The following RANBP2 variants were observed in gnomAD, a reference collection of about 807,000 sequenced individuals.
The protein encoded by RANBP2 is E3 SUMO-protein ligase RanBP2.
A neutral mutation model predicts 303.6 loss-of-function variants in RANBP2; 57 were observed. That is an observed-to-expected ratio of 0.19 (90% confidence interval 0.15 to 0.23). RANBP2 has a LOEUF of 0.23. RANBP2 is among the 10% of genes least tolerant of loss of function. The probability of loss-of-function intolerance (pLI) is 1.00; values close to 1 mark genes in which losing one functional copy is unlikely to be tolerated. For synonymous variants in RANBP2, 1,167 were observed against 1,301.5 expected, an observed-to-expected ratio of 0.90 and a Z score of 2.23; for missense variants, 3,138 against 3,780.8, an observed-to-expected ratio of 0.83 and a Z score of 4.46.
At chr2:109,016,605 C>T in the RANBP2 span, among the ~76,000 whole-genome samples, 1 of 152,196 alleles carries the variant, frequency 6.6e-6, no homozygotes, top group Non-Finnish European at 1.5e-5. Context: ...AGCTTCAAAC[C>T]TCATCCACGA....
At chr2:108,883,975 T>C in the RANBP2 span, 1 of 152,280 alleles carries the variant, frequency 6.6e-6, no homozygotes, top group Non-Finnish European at 1.5e-5. Flanking sequence ...TGGAGTGCAG[T>C]GGCATGGTCT....
chr2:109,588,502 A>T, the RANBP2 span, among the ~76,000 whole-genome samples: 2 of 151,668 alleles, frequency 1.3e-5, no homozygotes, highest in South Asian at 4.2e-4. Context: ...ATATATACAA[A>T]TTTTTTTTTA....
chr2:109,519,911 G>A, the RANBP2 span, among the ~76,000 whole-genome samples: 1 of 152,232 alleles, frequency 6.6e-6, no homozygotes, highest in South Asian at 2.1e-4. Flanking sequence ...GATAGCTGTG[G>A]CTGCAAAAGG....
At chr2:109,736,521 G>C in the RANBP2 span, among the ~76,000 whole-genome samples, 12 of 152,240 alleles carry the variant, frequency 7.9e-5, no homozygotes, top group South Asian at 2.1e-4. Flanking sequence ...TAGAACCTGG[G>C]ACTTTTACAA....
the RANBP2 span, among the ~76,000 whole-genome samples, chr2:109,371,363 C>T: frequency 6.6e-6 from 1 of 152,220 alleles, no homozygotes; most frequent in Non-Finnish European, 1.5e-5. Context: ...GCACTCCAGC[C>T]TGGGTGGCAG....
the RANBP2 span, among the ~76,000 whole-genome samples, chr2:109,540,557 G>A: frequency 2.2e-4 from 33 of 151,964 alleles, no homozygotes; most frequent in Non-Finnish European, 4.0e-4. Context: ...AGGCACAATG[G>A]CTCATGCCTG....
chr2:109,266,552 CTGGTGACACCA>C, the RANBP2 span, among the ~76,000 whole-genome samples: 1 of 152,156 alleles, frequency 6.6e-6, no homozygotes, highest in Non-Finnish European at 1.5e-5. Flanking sequence ...CCTTAAACCA[CTGGTGACACCA>C]GGGACGTTTT....
chr2:109,176,547 C>T, the RANBP2 span, among the ~76,000 whole-genome samples: 3 of 152,220 alleles, frequency 2.0e-5, no homozygotes, highest in Admixed American at 6.5e-5. Context: ...GCCTTGGCAA[C>T]ATAATGAGAC....
At chr2:109,482,456 C>T in the RANBP2 span, among the ~76,000 whole-genome samples, 3 of 152,192 alleles carry the variant, frequency 2.0e-5, no homozygotes, top group Non-Finnish European at 2.9e-5. Context: ...CGCAGAACAC[C>T]GTGCTGTGGC....
At chr2:109,248,337 A>G in the RANBP2 span, among the ~76,000 whole-genome samples, 2 of 152,180 alleles carry the variant, frequency 1.3e-5, no homozygotes, top group Non-Finnish European at 2.9e-5. Flanking sequence ...CCATACAGAT[A>G]TTCTTCTTAT....
At chr2:109,398,834 A>G in the RANBP2 span, 1 of 1,613,976 alleles carries the variant, frequency 6.2e-7, no homozygotes, top group Non-Finnish European at 8.5e-7. Context: ...GCTGCCAGCC[A>G]CAGGCATTCC....
chr2:109,553,731 G>A, the RANBP2 span, among the ~76,000 whole-genome samples: 2 of 151,828 alleles, frequency 1.3e-5, no homozygotes, highest in Non-Finnish European at 2.9e-5. Context: ...GCGTGCGCCT[G>A]TAGTCCCAGC....
the RANBP2 span, among the ~76,000 whole-genome samples, chr2:109,060,581 G>A: frequency 6.6e-6 from 1 of 152,164 alleles, no homozygotes. Flanking sequence ...TCTAAATTAT[G>A]AAGATCTAGT....
the RANBP2 span, among the ~76,000 whole-genome samples, chr2:109,097,094 A>G: frequency 6.6e-6 from 1 of 152,114 alleles, no homozygotes; most frequent in Admixed American, 6.6e-5. Context: ...TCATGAGGTC[A>G]AGAGATCGAG....
chr2:109,156,595 A>G, the RANBP2 span, among the ~76,000 whole-genome samples: 1 of 151,894 alleles, frequency 6.6e-6, no homozygotes, highest in African/African-American at 2.4e-5. Flanking sequence ...ACAGGTGTCC[A>G]CCACTACACC....
At chr2:109,094,889 C>A in the RANBP2 span, among the ~76,000 whole-genome samples, 151 of 152,210 alleles carry the variant, frequency 9.9e-4, no homozygotes, top group Non-Finnish European at 2.9e-5. Context: ...AAAATAAGCA[C>A]TAAATCAAAT....
the RANBP2 span, among the ~76,000 whole-genome samples, chr2:109,206,515 A>AAG: frequency 6.9e-6 from 1 of 145,148 alleles, no homozygotes; most frequent in Non-Finnish European, 1.5e-5. Context: ...AAAAAAAAAA[A>AAG]GAATTAGAGG....
At chr2:109,554,425 GT>G in the RANBP2 span, among the ~76,000 whole-genome samples, 1 of 152,156 alleles carries the variant, frequency 6.6e-6, no homozygotes, top group South Asian at 2.1e-4. Context: ...GCTTACTCCA[GT>G]TCAGGGTCAT....
chr2:109,220,455 G>C, the RANBP2 span, among the ~76,000 whole-genome samples: 2 of 152,174 alleles, frequency 1.3e-5, no homozygotes, highest in South Asian at 4.1e-4. Flanking sequence ...AAAGTTTTGT[G>C]CTTCAAAGGA....
Sources: gnomAD v4.1 joint callset for allele counts (sites outside exome capture counted in the v4.1 genomes callset) on GRCh38, gnomAD v4.1.1 for gene constraint, MANE v1.5 for transcripts, NCBI Gene and HGNC (gene_info 2026-07-23, HGNC 2026-07-21) for gene names.